NET1: variants seen among roughly 807,000 people sequenced by gnomAD.
NET1 encodes neuroepithelial cell-transforming gene 1 protein.
NET1 carries 42 observed loss-of-function variants against 61.1 expected under a neutral mutation model. That is an observed-to-expected ratio of 0.69 (90% CI 0.54 to 0.89). NET1 has a LOEUF of 0.89. Ranked by LOEUF, NET1 falls within the 40% of genes least tolerant of loss-of-function variation. The pLI, the probability that NET1 is intolerant of heterozygous loss-of-function variation, is 0.00. For missense variants in NET1, 654 were observed against 747.3 expected (o/e 0.88, Z 1.46); for synonymous variants, 254 against 281.8 (o/e 0.90, Z 0.99).
chr10:5,433,819 C>T, intron 3 of NET1, among the ~76,000 whole-genome samples: 1 of 151,730 alleles, frequency 6.6e-6, no homozygotes, highest in Non-Finnish European at 1.5e-5. Flanking sequence ...AAAATCTTTT[C>T]TATTTATTAC....
At chr10:5,438,784 G>A (rs1016402824) in intron 3 of NET1, among the ~76,000 whole-genome samples, 4 of 152,166 alleles carry the variant, frequency 2.6e-5, no homozygotes, top group Admixed American at 2.6e-4. Flanking sequence ...TACAAGAAAA[G>A]AAAACTATAG....
chr10:5,443,245 C>A lies in NET1; in HGVS notation c.256-8585C>A, dbSNP rs1832553319. 6.6e-6 allele frequency among the ~76,000 whole-genome samples: 1 copy of A among 152,224 alleles called. No homozygotes were observed. The highest frequency in any genetic ancestry group is 2.4e-5 in the African/African-American group (1 of 41,450). ...TCAGGTCTGTTAAGCCACTGATTAACAAGGTACCTTTGGACAAGTTTCTTA... is the reference window on the plus strand; with the variant it reads ...TCAGGTCTGTTAAGCCACTGATTAAAAAGGTACCTTTGGACAAGTTTCTTA... On this transcript the variant is annotated intron_variant, in intron 3 of 11. Transcript: ENST00000355029. The surrounding 1 kb of genome is among the most constrained non-coding windows in gnomAD (Gnocchi z 4.8).
rs1415704300 is a variant in NET1 at position 5,421,789 on chromosome 10, C to T, written c.129-4866C>T. Among the ~76,000 whole-genome samples, 1 of 152,170 alleles carries T rather than the reference C, an allele frequency of 6.6e-6. No individual in the cohort carries two copies. Among genetic ancestry groups the T allele is most frequent in the Non-Finnish European group, 1.5e-5 (1 of 68,034 alleles). Reference sequence around the variant, plus strand: ...TCACCCCAAATATCCCTGCTCCCACCCCAGCCCTAGGCAGCCACTGATCTG... The same window carrying T: ...TCACCCCAAATATCCCTGCTCCCACTCCAGCCCTAGGCAGCCACTGATCTG... On this transcript the variant is annotated intron_variant, in intron 1 of 11. Transcript: ENST00000355029. The surrounding 1 kb of genome is among the most constrained non-coding windows in gnomAD (Gnocchi z 4.2).
rs1268733932 is a variant in NET1 at position 5,417,269 on chromosome 10, G to T, written c.128+4449G>T. ...TCGGGGGGTTTTTATAGGCACAGGT[G>T]GGGGCGTGCTTTTATAGGCACAGGA... On this transcript the variant is annotated intron_variant, in intron 1 of 11. Coordinates refer to ENST00000355029, the MANE Select transcript of NET1 (RefSeq NM_001047160.3). The surrounding 1 kb of genome is among the most constrained non-coding windows in gnomAD (Gnocchi z 5.5). Among the ~76,000 whole-genome samples, 4 of 151,994 alleles carry T rather than the reference G, an allele frequency of 2.6e-5. No individual in the cohort carries two copies. Among genetic ancestry groups the T allele is most frequent in the East Asian group, 1.9e-4 (1 of 5,178 alleles).
chr10:5,443,231 A>C lies in NET1; in HGVS notation c.256-8599A>C, dbSNP rs892084634. Among the ~76,000 whole-genome samples, 3 of 152,224 alleles carry C rather than the reference A, an allele frequency of 2.0e-5. No individual in the cohort carries two copies. Among genetic ancestry groups the C allele is most frequent in the African/African-American group, 7.2e-5 (3 of 41,460 alleles). On this transcript the variant is annotated intron_variant, in intron 3 of 11. Coordinates refer to ENST00000355029, the MANE Select transcript of NET1 (RefSeq NM_001047160.3). The surrounding 1 kb of genome is among the most constrained non-coding windows in gnomAD (Gnocchi z 4.8). ...GCAGAACAGAGTCATCAGGTCTGTT[A>C]AGCCACTGATTAACAAGGTACCTTT...
Position 5,456,319 on chromosome 10 carries a change from C to A in NET1, c.1384+46C>A. 1 of 1,492,054 alleles carries A rather than the reference C, an allele frequency of 6.7e-7. No individual in the cohort carries two copies. The highest frequency in any genetic ancestry group is 9.0e-7 in the Non-Finnish European group (1 of 1,113,090). 92.4% of individuals were successfully genotyped at this position (1,492,054 alleles called of 1,614,324 possible). Reference sequence around the variant, plus strand: ...AATTTAAAGAAATAGAAGCTCAGAACTGAAGTGAATTTAGTTTTGCCTTTA... The same window carrying A: ...AATTTAAAGAAATAGAAGCTCAGAAATGAAGTGAATTTAGTTTTGCCTTTA... On this transcript the variant is annotated intron_variant, in intron 11 of 11. Coordinates refer to ENST00000355029, the MANE Select transcript of NET1 (RefSeq NM_001047160.3). The surrounding 1 kb of genome is among the most constrained non-coding windows in gnomAD (Gnocchi z 7.0).
rs1483084204 is a variant in NET1 at position 5,416,537 on chromosome 10, A to T, written c.128+3717A>T. ...AAGTAGTCTGATCCATGGACAAGGGATGTTTTTCCAATTATTTAGATCTTT... is the reference window on the plus strand; with the variant it reads ...AAGTAGTCTGATCCATGGACAAGGGTTGTTTTTCCAATTATTTAGATCTTT... On this transcript the variant is annotated intron_variant, in intron 1 of 11. Transcript: ENST00000355029. The surrounding 1 kb of genome is among the most constrained non-coding windows in gnomAD (Gnocchi z 6.1). Among the ~76,000 whole-genome samples the T allele has an allele frequency of 2.0e-5, 3 of 152,144 alleles. No homozygotes were observed. Among genetic ancestry groups the T allele is most frequent in the Non-Finnish European group, 4.4e-5 (3 of 68,030 alleles).
rs1488055739 is a variant in NET1, at chr10:5,443,448, T to TAGCACAAAGTAAGACC, written c.256-8382_256-8381insAGCACAAAGTAAGACC. Among the ~76,000 whole-genome samples the TAGCACAAAGTAAGACC allele has an allele frequency of 6.6e-6, 1 of 152,210 alleles. No homozygotes were observed. The highest frequency in any genetic ancestry group is 1.5e-5 in the Non-Finnish European group (1 of 68,034). ...CACAAAGTAAGACCTTAAATTTTTC[T>TAGCACAAAGTAAGACC]TCTATTTTTCACCACCACCCATTAA... On this transcript the variant is annotated intron_variant, in intron 3 of 11. Transcript: ENST00000355029. This position sits in a 1 kb window ranked among gnomAD's most constrained non-coding sequence, Gnocchi z 4.8.
chr10:5,414,672 A>C (rs1438420340), intron 1 of NET1, among the ~76,000 whole-genome samples: 3 of 152,244 alleles, frequency 2.0e-5, no homozygotes, highest in Non-Finnish European at 2.9e-5. Flanking sequence ...ATAGACTCTT[A>C]AGAAAGAATA....
At position 5,424,288 on chromosome 10, in the gene NET1, G is replaced by A. The variant is rs1402138254; in HGVS notation, c.129-2367G>A. ...TTTCTTAAGCCAGTGCCCACTGATGGCTCCTGCTAACCATGTAGCATACAG... is the reference window on the plus strand; with the variant it reads ...TTTCTTAAGCCAGTGCCCACTGATGACTCCTGCTAACCATGTAGCATACAG... On this transcript the variant is annotated intron_variant, in intron 1 of 11. Transcript: ENST00000355029. The surrounding 1 kb of genome is among the most constrained non-coding windows in gnomAD (Gnocchi z 6.1). 1.3e-5 allele frequency among the ~76,000 whole-genome samples: 2 copies of A among 152,138 alleles called. No individual in the cohort carries two copies. Among genetic ancestry groups the A allele is most frequent in the African/African-American group, 4.8e-5 (2 of 41,432 alleles).
rs1832606749 is a variant in NET1 at position 5,446,306 on chromosome 10, A to G, written c.256-5524A>G. Among the ~76,000 whole-genome samples, 1 of 152,190 alleles carries G rather than the reference A, an allele frequency of 6.6e-6. No individual in the cohort carries two copies. The highest frequency in any genetic ancestry group is 2.4e-5 in the African/African-American group (1 of 41,458). ...CCTTATTTGAGTTGTCAAGTTGTCC[A>G]TACTGAACTTATTCCCATGCAATAG... On this transcript the variant is annotated intron_variant, in intron 3 of 11. Transcript: ENST00000355029. The surrounding 1 kb of genome is among the most constrained non-coding windows in gnomAD (Gnocchi z 5.0).
chr10:5,456,846 A>G lies in NET1; in HGVS notation c.1643A>G (p.Glu548Gly). 6 of 1,614,114 alleles carry G rather than the reference A, an allele frequency of 3.7e-6. No homozygotes were observed. Among genetic ancestry groups the G allele is most frequent in the Non-Finnish European group, 5.1e-6 (6 of 1,180,010 alleles). Residue 548 changes from glutamate to glycine, a missense_variant, in exon 12 of 12, where the codon GAA (glutamate) becomes GGA (glycine). Physicochemically the swap from Glu to Gly is moderately conservative, Grantham distance 98. Transcript: ENST00000355029. This position sits in a 1 kb window ranked among gnomAD's most constrained non-coding sequence, Gnocchi z 7.0. ...ACAGTTTCCAGTGTTACTCAGGTAG[A>G]AGTTGATGAAAACGCTTACAGATGT... is the stretch of plus-strand genomic sequence containing the variant. ...ASTVSSVTQVEVDENAYRCGS... is the reference protein window; with the variant it reads ...ASTVSSVTQVGVDENAYRCGS...
chr10:5,446,052 G>A lies in NET1; in HGVS notation c.256-5778G>A, dbSNP rs1832602187. Among the ~76,000 whole-genome samples the A allele has an allele frequency of 6.6e-6, 1 of 152,094 alleles. No individual in the cohort carries two copies. The highest frequency in any genetic ancestry group is 2.4e-5 in the African/African-American group (1 of 41,402). On this transcript the variant is annotated intron_variant, in intron 3 of 11. Coordinates refer to ENST00000355029, the MANE Select transcript of NET1 (RefSeq NM_001047160.3). This position sits in a 1 kb window ranked among gnomAD's most constrained non-coding sequence, Gnocchi z 5.0. ...AAATCTGAAGTAGCCCAGTTTACCC[G>A]TAACCTCATGGGAGATTTTCTTCTG...
Position 5,452,391 on chromosome 10 carries a change from G to A in NET1, c.397G>A (p.Ala133Thr). The change falls in exon 5 of 12, where the codon GCC becomes ACC. Residue 133 changes from alanine (A) to threonine (T), a missense_variant. Transcript: ENST00000355029. The surrounding 1 kb of genome is among the most constrained non-coding windows in gnomAD (Gnocchi z 4.0). ...CCTTCGTGGTGACCACAGATCCCCA[G>A]CCTCTGCCCAGAAGTTTTCTAGCAG... Reference protein sequence around the residue: ...FTLRGDHRSPASAQKFSSRST... With the variant: ...FTLRGDHRSPTSAQKFSSRST... The A allele has an allele frequency of 6.2e-7, 1 of 1,613,290 alleles. No individual in the cohort carries two copies. The highest frequency in any genetic ancestry group is 8.5e-7 in the Non-Finnish European group (1 of 1,179,564).
chr10:5,421,236 T>C lies in NET1; in HGVS notation c.129-5419T>C, dbSNP rs1416311712. 6.6e-6 allele frequency among the ~76,000 whole-genome samples: 1 copy of C among 152,230 alleles called. No individual in the cohort carries two copies. The highest frequency in any genetic ancestry group is 1.5e-5 in the Non-Finnish European group (1 of 68,032). ...TAAGGTCCTGAAAATTGGACACAAG[T>C]AATGTTTAAATAATTTTATTTCTGT... is the stretch of plus-strand genomic sequence containing the variant. On this transcript the variant is annotated intron_variant, in intron 1 of 11. Coordinates refer to ENST00000355029, the MANE Select transcript of NET1 (RefSeq NM_001047160.3). The surrounding 1 kb of genome is among the most constrained non-coding windows in gnomAD (Gnocchi z 4.2).
chr10:5,453,458 G>T lies in NET1; in HGVS notation c.692-26G>T, dbSNP rs374624995. Reference sequence around the variant, plus strand: ...TATTTTTTAAATAAACCTGTTAATGGTGTTTATGCTTTTTTATCACTTCAG... The same window carrying T: ...TATTTTTTAAATAAACCTGTTAATGTTGTTTATGCTTTTTTATCACTTCAG... On this transcript the variant is annotated intron_variant, in intron 7 of 11. Coordinates refer to ENST00000355029, the MANE Select transcript of NET1 (RefSeq NM_001047160.3). This position sits in a 1 kb window ranked among gnomAD's most constrained non-coding sequence, Gnocchi z 4.9. 1.4e-5 allele frequency: 22 copies of T among 1,610,274 alleles called. No homozygotes were observed. The highest frequency in any genetic ancestry group is 1.7e-5 in the Non-Finnish European group (20 of 1,176,636).
At position 5,417,147 on chromosome 10, in the gene NET1, G is replaced by C. The variant is rs929369156; in HGVS notation, c.128+4327G>C. ...CAAGCTCTGCGTCATTCTGCGAATC[G>C]ATGGCCTGCCAGCTGGCCTGCCAGC... On this transcript the variant is annotated intron_variant, in intron 1 of 11. Coordinates refer to ENST00000355029, the MANE Select transcript of NET1 (RefSeq NM_001047160.3). The surrounding 1 kb of genome is among the most constrained non-coding windows in gnomAD (Gnocchi z 5.5). Among the ~76,000 whole-genome samples, 2 of 152,062 alleles carry C rather than the reference G, an allele frequency of 1.3e-5. No individual in the cohort carries two copies. Among genetic ancestry groups the C allele is most frequent in the African/African-American group, 2.4e-5 (1 of 41,416 alleles).
In NET1 at chr10:5,446,942, G is replaced by A. The variant is rs907083774; in HGVS notation, c.256-4888G>A. ...TAAAATTTTTAACAAGGTATTAACA[G>A]TATAATTTTAAACTTTTGATCTTAT... On this transcript the variant is annotated intron_variant, in intron 3 of 11. Transcript: ENST00000355029. This position sits in a 1 kb window ranked among gnomAD's most constrained non-coding sequence, Gnocchi z 5.0. The A allele has an allele frequency of 2.8e-6, 3 of 1,081,268 alleles. No homozygotes were observed. The African/African-American group carries it at 4.8e-5, about 17-fold the overall frequency. The allele number at this position is 1,081,268 out of a possible 1,614,324, so 67.0% of individuals were successfully genotyped here.
In NET1 at chr10:5,446,357, C is replaced by G. The variant is rs1378845424; in HGVS notation, c.256-5473C>G. On this transcript the variant is annotated intron_variant, in intron 3 of 11. Coordinates refer to ENST00000355029, the MANE Select transcript of NET1 (RefSeq NM_001047160.3). The surrounding 1 kb of genome is among the most constrained non-coding windows in gnomAD (Gnocchi z 5.0). Reference sequence around the variant, plus strand: ...GGTTTTATGGGAAAAGTCTGCCTGTCTGTGACTAAGCACCAGAGTAGATAA... The same window carrying G: ...GGTTTTATGGGAAAAGTCTGCCTGTGTGTGACTAAGCACCAGAGTAGATAA... 6.6e-6 allele frequency among the ~76,000 whole-genome samples: 1 copy of G among 152,190 alleles called. No individual in the cohort carries two copies. The highest frequency in any genetic ancestry group is 1.5e-5 in the Non-Finnish European group (1 of 68,034).
Sources: gnomAD v4.1 joint callset for allele counts (sites outside exome capture counted in the v4.1 genomes callset) on GRCh38, gnomAD v4.1.1 for gene constraint, Gnocchi (gnomAD v3.1) non-coding constraint, MANE v1.5 for transcripts, NCBI Gene and HGNC (gene_info 2026-07-23, HGNC 2026-07-21) for gene names.